PDE3A: variants seen among roughly 807,000 people sequenced by gnomAD.
PDE3A encodes the protein cGMP-inhibited 3',5'-cyclic phosphodiesterase 3A.
In PDE3A, 43 loss-of-function variants were observed where a neutral mutation model predicts 98.3. The ratio of observed to expected loss-of-function variants is 0.44; its 90% CI spans 0.34 to 0.56. The LOEUF is 0.56. Among genes scored for constraint, PDE3A ranks in the 20% least tolerant of loss-of-function variants. PDE3A has a pLI of 0.01. For missense variants in PDE3A, 1,427 were observed against 1,440.7 expected, an observed-to-expected ratio of 0.99 and a Z score of 0.15; for synonymous variants, 663 against 567.9, an observed-to-expected ratio of 1.17 and a Z score of -2.38.
intron 1 of PDE3A, among the ~76,000 whole-genome samples, chr12:20,471,890 G>A (rs1195103349): frequency 6.6e-6 from 1 of 152,096 alleles, no homozygotes; most frequent in African/African-American, 2.4e-5. Flanking sequence ...CACTCAGGAT[G>A]TAAATGAAAT....
intron 2 of PDE3A, among the ~76,000 whole-genome samples, chr12:20,560,089 C>A (rs1942475407): frequency 6.6e-6 from 1 of 152,014 alleles, no homozygotes; most frequent in African/African-American, 2.4e-5. Flanking sequence ...ATGATGACTT[C>A]AGGGTTGGCA....
chr12:20,391,353 TA>T (rs1943910067), intron 1 of PDE3A, among the ~76,000 whole-genome samples: 1 of 144,484 alleles, frequency 6.9e-6, no homozygotes, highest in African/African-American at 2.6e-5. Context: ...TACATATATA[TA>T]ACATATATAT....
intron 1 of PDE3A, among the ~76,000 whole-genome samples, chr12:20,483,103 A>G (rs1222023501): frequency 2.0e-5 from 3 of 152,112 alleles, no homozygotes; most frequent in Non-Finnish European, 4.4e-5. Flanking sequence ...CAAAACTTCT[A>G]AAAGAGGCCT....
At chr12:20,569,516 GA>G (rs1397757556) in intron 2 of PDE3A, among the ~76,000 whole-genome samples, 5 of 152,156 alleles carry the variant, frequency 3.3e-5, no homozygotes, top group African/African-American at 1.2e-4. Flanking sequence ...GATAAGAGAA[GA>G]ATTGTAAAAC....
intron 2 of PDE3A, among the ~76,000 whole-genome samples, chr12:20,580,284 T>C (rs1330355267): frequency 6.6e-6 from 1 of 152,108 alleles, no homozygotes; most frequent in African/African-American, 2.4e-5. Context: ...TCAAAAGACA[T>C]GGCTCCTTAC....
At position 20,644,001 on chromosome 12, in the gene PDE3A, C is replaced by CT. The variant is rs1354697481; in HGVS notation, c.2252-2489_2252-2488insT. On this transcript the variant is annotated intron_variant, in intron 10 of 15. Transcript: ENST00000359062. ...GGCTCTGCCAACACTGTGATACTGCCCCCCATCCACCTCCGTACTGCTATG... is the reference window on the plus strand; with the variant it reads ...GGCTCTGCCAACACTGTGATACTGCCTCCCCATCCACCTCCGTACTGCTATG... 2.6e-5 allele frequency among the ~76,000 whole-genome samples: 4 copies of CT among 152,150 alleles called. No homozygotes were observed. In the East Asian group the frequency reaches 7.7e-4, roughly 29 times the overall value.
chr12:20,504,584 C>T (rs1181130513), intron 1 of PDE3A, among the ~76,000 whole-genome samples: 1 of 152,058 alleles, frequency 6.6e-6, no homozygotes, highest in Non-Finnish European at 1.5e-5. Flanking sequence ...AATCAAGGTG[C>T]TGGCAAGGTC....
intron 15 of PDE3A, among the ~76,000 whole-genome samples, chr12:20,663,298 C>T (rs1945225731): frequency 6.6e-6 from 1 of 152,222 alleles, no homozygotes; most frequent in African/African-American, 2.4e-5. Context: ...GGCGCCACCA[C>T]ACAGAGTTCC....
chr12:20,506,359 A>G (rs1946118773), intron 1 of PDE3A, among the ~76,000 whole-genome samples: 1 of 152,042 alleles, frequency 6.6e-6, no homozygotes, highest in Admixed American at 6.6e-5. Context: ...ATTTCATTCC[A>G]GTATAACAGT....
At chr12:20,579,028 C>G (rs141431761) in intron 2 of PDE3A, among the ~76,000 whole-genome samples, 1 of 151,990 alleles carries the variant, frequency 6.6e-6, no homozygotes, top group Non-Finnish European at 1.5e-5. Flanking sequence ...TTAAGATTTG[C>G]TGTATTTCTG....
rs1308884768 is a variant in PDE3A at position 20,626,593 on chromosome 12, G to GGTTCAAGCAATTCTCCTGC, written c.1541-3314_1541-3296dup. Among the ~76,000 whole-genome samples the GGTTCAAGCAATTCTCCTGC allele has an allele frequency of 1.3e-5, 2 of 152,060 alleles. 1 individual carries two copies. The highest frequency in any genetic ancestry group is 6.3e-3 in the Middle Eastern group (2 of 316). Reference sequence around the variant, plus strand: ...AGCTCACTGCAACCTCTGCCTCCTGGGTTCAAGCAATTCTCCTGCCTCAGC... The same window carrying GGTTCAAGCAATTCTCCTGC: ...AGCTCACTGCAACCTCTGCCTCCTGGGTTCAAGCAATTCTCCTGCGTTCAAGCAATTCTCCTGCCTCAGC... On this transcript the variant is annotated intron_variant, in intron 5 of 15. Coordinates refer to ENST00000359062, the MANE Select transcript of PDE3A (RefSeq NM_000921.5).
intron 1 of PDE3A, among the ~76,000 whole-genome samples, chr12:20,470,137 A>C (rs991011097): frequency 2.7e-4 from 41 of 152,076 alleles, no homozygotes; most frequent in Middle Eastern, 3.4e-3. Context: ...TCTCTTACAT[A>C]ACACTAATCA....
chr12:20,444,362 C>T (rs1258731967), intron 1 of PDE3A, among the ~76,000 whole-genome samples: 2 of 152,154 alleles, frequency 1.3e-5, no homozygotes, highest in Non-Finnish European at 1.5e-5. Flanking sequence ...ACACTGAATA[C>T]ACATAAACAA....
intron 15 of PDE3A, among the ~76,000 whole-genome samples, chr12:20,673,044 T>C (rs1044287457): frequency 2.0e-5 from 3 of 151,624 alleles, no homozygotes; most frequent in African/African-American, 7.3e-5. Flanking sequence ...GCGAAGGACA[T>C]GAACAGACAC....
In PDE3A at chr12:20,461,118, A is replaced by G. The variant is rs564560871; in HGVS notation, c.960+90874A>G. ...TGCCTTTCATTTCTACTCTAATGTT[A>G]CTGATTAAGATAAGGGGAGCAGATC... is the stretch of plus-strand genomic sequence containing the variant. On this transcript the variant is annotated intron_variant, in intron 1 of 15. Transcript: ENST00000359062. 6.9e-4 allele frequency among the ~76,000 whole-genome samples: 105 copies of G among 151,870 alleles called. 2 individuals are homozygous for G. The South Asian group carries it at 0.021, about 31-fold the overall frequency.
At chr12:20,514,920 A>G (rs963428978) in intron 1 of PDE3A, among the ~76,000 whole-genome samples, 14 of 152,250 alleles carry the variant, frequency 9.2e-5, no homozygotes, top group African/African-American at 3.1e-4. Flanking sequence ...GGTAACTTAT[A>G]AAGAACAGAA....
rs1279906973 is a variant in PDE3A at position 20,682,022 on chromosome 12, G to A, written c.*1751G>A. 1.3e-5 allele frequency: 2 copies of A among 152,120 alleles called. No homozygotes were observed. Among genetic ancestry groups the A allele is most frequent in the African/African-American group, 4.8e-5 (2 of 41,450 alleles). The allele number at this position is 152,120 out of a possible 1,614,324, so 9.4% of individuals were successfully genotyped here. A position where few individuals can be genotyped will look rare whatever the true frequency, so the allele number is the denominator to read the frequency against. On this transcript the variant is annotated 3_prime_UTR_variant, in exon 16 of 16. Coordinates refer to ENST00000359062, the MANE Select transcript of PDE3A (RefSeq NM_000921.5). ...ATGATGATTCATTTGCATGGAGGTC[G>A]ATGGACAACCAATCATCTACCTTTT...
At chr12:20,603,147 G>A (rs893018592) in intron 2 of PDE3A, among the ~76,000 whole-genome samples, 3 of 152,172 alleles carry the variant, frequency 2.0e-5, no homozygotes, top group Admixed American at 6.5e-5. Flanking sequence ...GAGGACCAAA[G>A]TTGGATGAGA....
chr12:20,637,337 T>C (rs1944539497), intron 9 of PDE3A, 100 bp downstream of exon 9: 2 of 816,190 alleles, frequency 2.5e-6, no homozygotes, highest in Non-Finnish European at 3.7e-6. Context: ...ATAGGTGTTA[T>C]GTGGAGAAAG....
Sources: gnomAD v4.1 joint callset for allele counts (sites outside exome capture counted in the v4.1 genomes callset) on GRCh38, gnomAD v4.1.1 for gene constraint, MANE v1.5 for transcripts, NCBI Gene and HGNC (gene_info 2026-07-23, HGNC 2026-07-21) for gene names.